The following PSMD12 variants were observed in gnomAD, a reference collection of about 807,000 sequenced individuals.
PSMD12 encodes the protein proteasome 26S subunit, non-ATPase 12.
In PSMD12, 8 loss-of-function variants were observed where a neutral mutation model predicts 62.9. The observed-to-expected ratio is 0.13, with a 90% CI of 0.07 to 0.23. The LOEUF (loss-of-function observed/expected upper bound fraction) is 0.23, where lower values mean the gene tolerates loss of function less well. PSMD12 is among the 10% of genes least tolerant of loss of function. PSMD12 has a pLI of 1.00. For missense variants in PSMD12, 424 were observed against 550.2 expected, an observed-to-expected ratio of 0.77 and a Z score of 2.29; for synonymous variants, 173 against 187.4, an observed-to-expected ratio of 0.92 and a Z score of 0.63.
chr17:67,348,835 A>C (rs1207134726), intron 4 of PSMD12, among the ~76,000 whole-genome samples, 181 bp from the exon 5 acceptor site: 1 of 152,088 alleles, frequency 6.6e-6, no homozygotes, highest in Non-Finnish European at 1.5e-5. Context: ...GTCTCTACTA[A>C]AAATCAAAAC....
intron 3 of PSMD12, among the ~76,000 whole-genome samples, chr17:67,351,786 CT>C (rs539634008): frequency 2.9e-3 from 413 of 143,616 alleles, no homozygotes; most frequent in Middle Eastern, 3.5e-3. Context: ...TTATTTCCAC[CT>C]TTTTTTTTTT....
chr17:67,349,930 T>TCCCAC (rs990590527), intron 4 of PSMD12, among the ~76,000 whole-genome samples: 5 of 152,178 alleles, frequency 3.3e-5, no homozygotes, highest in African/African-American at 4.8e-5. Context: ...AATGCTCTTC[T>TCCCAC]CCCACACCCT....
intron 1 of PSMD12, among the ~76,000 whole-genome samples, chr17:67,364,827 A>G (rs1014702945): frequency 1.3e-5 from 2 of 152,184 alleles, no homozygotes; most frequent in Non-Finnish European, 2.9e-5. Context: ...TTCATCCCCA[A>G]TTGGCAAAGA....
intron 9 of PSMD12, among the ~76,000 whole-genome samples, chr17:67,343,590 C>T (rs1233154498): frequency 6.6e-6 from 1 of 152,204 alleles, no homozygotes; most frequent in Non-Finnish European, 1.5e-5. Flanking sequence ...ACCAAAGTTT[C>T]CCATAAGCCT....
chr17:67,350,802 G>A (rs1387219155), intron 3 of PSMD12, among the ~76,000 whole-genome samples: 2 of 152,192 alleles, frequency 1.3e-5, no homozygotes, highest in Non-Finnish European at 2.9e-5. Flanking sequence ...TTTCCTCACA[G>A]GTTATATCAA....
intron 3 of PSMD12, among the ~76,000 whole-genome samples, chr17:67,351,379 G>A (rs1171492557): frequency 8.2e-5 from 9 of 110,222 alleles, no homozygotes; most frequent in Admixed American, 5.5e-4. Flanking sequence ...GAGACAGATC[G>A]AGACTTGTCT....
chr17:67,348,724 A>AT, intron 4 of PSMD12, 70 bp from the exon 5 acceptor site: 1 of 1,359,816 alleles, frequency 7.4e-7, no homozygotes, highest in Non-Finnish European at 1.0e-6. Context: ...TAGGCTGGGT[A>AT]TGTTGGCTCA....
intron 8 of PSMD12, among the ~76,000 whole-genome samples, chr17:67,345,447 G>A (rs1300494252): frequency 6.6e-6 from 1 of 151,870 alleles, no homozygotes; most frequent in African/African-American, 2.4e-5. Context: ...TTCGAGACCA[G>A]CCTGGCCAAC....
chr17:67,342,679 G>A (rs1424173565), intron 9 of PSMD12, among the ~76,000 whole-genome samples: 1 of 152,124 alleles, frequency 6.6e-6, no homozygotes, highest in Non-Finnish European at 1.5e-5. Context: ...ACTCACACCT[G>A]TAATCCCAGC....
intron 5 of PSMD12, among the ~76,000 whole-genome samples, chr17:67,348,031 T>C (rs1567954736): frequency 6.6e-6 from 1 of 152,260 alleles, no homozygotes; most frequent in Non-Finnish European, 1.5e-5. Context: ...TGTTGAAGGA[T>C]ATCTGAGCTG....
chr17:67,354,714 G>A (rs2042050700), intron 3 of PSMD12, among the ~76,000 whole-genome samples: 1 of 152,184 alleles, frequency 6.6e-6, no homozygotes, highest in Non-Finnish European at 1.5e-5. Flanking sequence ...TCATGGCTGG[G>A]TGTGGTGGCT....
intron 3 of PSMD12, 53 bp from the exon 4 acceptor site, chr17:67,350,389 A>C: frequency 2.2e-6 from 3 of 1,338,308 alleles, no homozygotes; most frequent in Non-Finnish European, 3.1e-6. Flanking sequence ...CAGAGCGAAA[A>C]AATGTATTTT....
At chr17:67,359,302 C>G (rs949877321) in intron 1 of PSMD12, among the ~76,000 whole-genome samples, 1 of 152,178 alleles carries the variant, frequency 6.6e-6, no homozygotes, top group African/African-American at 2.4e-5. Flanking sequence ...CTGCAGTGAG[C>G]TAGGAATGTA....
rs2041879684 is a variant in PSMD12, at chr17:67,338,472, ATCGAG to A, written c.*2366_*2370del. ...AAAACACGAAATGGATGAACAGCTG[ATCGAG>A]TCGAGTGCAATTTGGTCACTGGGAC... On this transcript the variant is annotated 3_prime_UTR_variant, in exon 11 of 11. Coordinates refer to ENST00000356126, the MANE Select transcript of PSMD12 (RefSeq NM_002816.5). 6.6e-6 allele frequency: 1 copy of A among 152,264 alleles called. No homozygotes were observed. The highest frequency in any genetic ancestry group is 1.5e-5 in the Non-Finnish European group (1 of 68,050). The allele number at this position is 152,264 out of a possible 1,614,324, so 9.4% of individuals were successfully genotyped here. A position where few individuals can be genotyped will look rare whatever the true frequency, so the allele number is the denominator to read the frequency against.
At chr17:67,348,337 C>T (rs1346134505) in intron 5 of PSMD12, among the ~76,000 whole-genome samples, 1 of 151,992 alleles carries the variant, frequency 6.6e-6, no homozygotes, top group Non-Finnish European at 1.5e-5. Context: ...GTAGTGGTAC[C>T]CCATTGTGGT....
chr17:67,341,517 TATA>T (rs932946479), intron 10 of PSMD12, among the ~76,000 whole-genome samples: 3 of 143,126 alleles, frequency 2.1e-5, no homozygotes, highest in African/African-American at 5.2e-5. Context: ...GCTGACTTCC[TATA>T]ATAAGTACTT....
chr17:67,362,922 T>G (rs2042146433), intron 1 of PSMD12: 1 of 152,206 alleles, frequency 6.6e-6, no homozygotes, highest in African/African-American at 2.4e-5. Context: ...CATATCATTA[T>G]CATCATAGCA....
chr17:67,346,489 C>A (rs899677615), intron 7 of PSMD12, among the ~76,000 whole-genome samples: 3 of 151,870 alleles, frequency 2.0e-5, no homozygotes, highest in Middle Eastern at 6.8e-3. Flanking sequence ...CACTTGAATC[C>A]GGGAGGCGGA....
rs1236008759 is a variant in PSMD12 at position 67,350,218 on chromosome 17, AG to A, written c.405+10del. 2 of 1,573,812 alleles carry A rather than the reference AG, an allele frequency of 1.3e-6. No homozygotes were observed. Among genetic ancestry groups the A allele is most frequent in the African/African-American group, 2.7e-5 (2 of 73,816 alleles). ...TCATATCATTTTGAGTTATGTCAACAGAAAATTTACCTTGCCTTCGGTAACC... is the reference window on the plus strand; with the variant it reads ...TCATATCATTTTGAGTTATGTCAACAAAAATTTACCTTGCCTTCGGTAACC... On this transcript the variant is annotated intron_variant, in intron 4 of 10. Coordinates refer to ENST00000356126, the MANE Select transcript of PSMD12 (RefSeq NM_002816.5).
Sources: allele counts gnomAD v4.1 joint callset (sites outside exome capture counted in the v4.1 genomes callset), GRCh38; gene constraint gnomAD v4.1.1; transcripts MANE v1.5; gene names NCBI Gene and HGNC (gene_info 2026-07-23, HGNC 2026-07-21).